ABTB3: variants seen among roughly 807,000 people sequenced by gnomAD.
The protein encoded by ABTB3 is ankyrin repeat and BTB domain containing 3.
At chr12:107,320,030 C>A in the ABTB3 span, 1 of 1,548,272 alleles carries the variant, frequency 6.5e-7, no homozygotes, top group East Asian at 2.4e-5. Context: ...GATCTGGGGT[C>A]TCCTGCAGCC....
the ABTB3 span, among the ~76,000 whole-genome samples, chr12:107,589,394 T>C: frequency 6.6e-6 from 1 of 152,228 alleles, no homozygotes; most frequent in Non-Finnish European, 1.5e-5. Flanking sequence ...GCTGGGGCTG[T>C]CTGGCTTGGG....
the ABTB3 span, among the ~76,000 whole-genome samples, chr12:107,411,733 C>T: frequency 6.6e-6 from 1 of 152,344 alleles, no homozygotes; most frequent in African/African-American, 2.4e-5. Flanking sequence ...TCACTTCCCT[C>T]GTCTTGCAGG....
the ABTB3 span, among the ~76,000 whole-genome samples, chr12:107,586,682 A>G: frequency 1.3e-5 from 2 of 152,154 alleles, no homozygotes; most frequent in East Asian, 1.9e-4. Flanking sequence ...GTCCTCACTT[A>G]ACAGAGGAGT....
chr12:107,333,461 A>C, the ABTB3 span, among the ~76,000 whole-genome samples: 1 of 152,200 alleles, frequency 6.6e-6, no homozygotes, highest in Non-Finnish European at 1.5e-5. Flanking sequence ...GTTTAGTGCC[A>C]GAAGAGGACA....
At chr12:107,571,613 C>T in the ABTB3 span, among the ~76,000 whole-genome samples, 2 of 152,228 alleles carry the variant, frequency 1.3e-5, no homozygotes, top group Admixed American at 1.3e-4. Context: ...TTTTTGTGCC[C>T]AAGCCTGCAA....
chr12:107,539,474 A>C, the ABTB3 span, among the ~76,000 whole-genome samples: 1 of 152,006 alleles, frequency 6.6e-6, no homozygotes, highest in Admixed American at 6.6e-5. Flanking sequence ...GAGAATGGAG[A>C]GAAAAAGGAA....
chr12:107,484,342 G>A, the ABTB3 span, among the ~76,000 whole-genome samples: 4 of 152,344 alleles, frequency 2.6e-5, no homozygotes, highest in East Asian at 7.7e-4. Context: ...AGCCTGTGGT[G>A]TCTGGAGAGA....
At chr12:107,457,349 C>T in the ABTB3 span, among the ~76,000 whole-genome samples, 1 of 152,226 alleles carries the variant, frequency 6.6e-6, no homozygotes, top group East Asian at 1.9e-4. Flanking sequence ...GCTTCAAAGG[C>T]TATCCCAAAT....
the ABTB3 span, among the ~76,000 whole-genome samples, chr12:107,347,337 T>A: frequency 2.0e-5 from 3 of 152,182 alleles, no homozygotes; most frequent in Non-Finnish European, 4.4e-5. Flanking sequence ...CAGGGTGAAT[T>A]CCTACCTTTG....
chr12:107,571,713 C>G, the ABTB3 span, among the ~76,000 whole-genome samples: 1 of 152,242 alleles, frequency 6.6e-6, no homozygotes, highest in Non-Finnish European at 1.5e-5. Flanking sequence ...ATATCCTGGG[C>G]CCCATCATCA....
the ABTB3 span, among the ~76,000 whole-genome samples, chr12:107,449,817 T>C: frequency 1.3e-5 from 2 of 152,130 alleles, no homozygotes; most frequent in African/African-American, 2.4e-5. Context: ...GGCTAATTTT[T>C]TTTTTCATAG....
chr12:107,586,124 C>T, the ABTB3 span, among the ~76,000 whole-genome samples: 3 of 152,058 alleles, frequency 2.0e-5, no homozygotes, highest in Non-Finnish European at 4.4e-5. Flanking sequence ...ATCAGGTGTT[C>T]GGAGAGCTCC....
the ABTB3 span, among the ~76,000 whole-genome samples, chr12:107,572,236 G>A: frequency 6.6e-6 from 1 of 152,024 alleles, no homozygotes; most frequent in Non-Finnish European, 1.5e-5. Context: ...CACAAGCCAA[G>A]GAATGCTAGC....
chr12:107,651,715 G>A, the ABTB3 span: 1 of 1,614,198 alleles, frequency 6.2e-7, no homozygotes, highest in Non-Finnish European at 8.5e-7. Context: ...AGGCTTTGCA[G>A]CGACACTGTG....
the ABTB3 span, among the ~76,000 whole-genome samples, chr12:107,439,113 T>C: frequency 3.3e-5 from 5 of 152,146 alleles, no homozygotes; most frequent in African/African-American, 1.2e-4. Flanking sequence ...GTAAAGACAG[T>C]CACCCACACA....
At chr12:107,367,562 T>A in the ABTB3 span, among the ~76,000 whole-genome samples, 1 of 152,168 alleles carries the variant, frequency 6.6e-6, no homozygotes, top group Non-Finnish European at 1.5e-5. Context: ...TGGAGTGCAG[T>A]GGCGCAGTTT....
chr12:107,462,881 G>T, the ABTB3 span, among the ~76,000 whole-genome samples: 1 of 151,722 alleles, frequency 6.6e-6, no homozygotes, highest in Non-Finnish European at 1.5e-5. Context: ...TAGTGACAAT[G>T]ATGATGATGG....
the ABTB3 span, among the ~76,000 whole-genome samples, chr12:107,622,432 T>A: frequency 1.3e-5 from 2 of 152,212 alleles, no homozygotes; most frequent in Admixed American, 1.3e-4. Context: ...GCATTGTTCC[T>A]TCTCCCTGCA....
At chr12:107,644,800 G>T in the ABTB3 span, among the ~76,000 whole-genome samples, 1 of 151,908 alleles carries the variant, frequency 6.6e-6, no homozygotes, top group African/African-American at 2.4e-5. Context: ...TCAATGTTTG[G>T]CCCCCACTTA....
Sources: gnomAD v4.1 joint callset for allele counts (sites outside exome capture counted in the v4.1 genomes callset) on GRCh38, gnomAD v4.1.1 for gene constraint, MANE v1.5 for transcripts, NCBI Gene and HGNC (gene_info 2026-07-23, HGNC 2026-07-21) for gene names.